RPTOR: variants seen among roughly 807,000 people sequenced by gnomAD.
RPTOR encodes regulatory-associated protein of mTOR.
Under a neutral mutation model 169.9 loss-of-function variants are expected in RPTOR, and 21 were observed. The ratio of observed to expected loss-of-function variants is 0.12; its 90% confidence interval spans 0.09 to 0.18. The LOEUF (loss-of-function observed/expected upper bound fraction) is 0.18. Ranked by LOEUF, RPTOR falls within the 10% of genes least tolerant of loss-of-function variation. RPTOR has a pLI of 1.00. For missense variants in RPTOR, 1,133 were observed against 1,855.9 expected (o/e 0.61, Z 7.16); for synonymous variants, 732 against 753.2 (o/e 0.97, Z 0.46).
At chr17:80,949,636 C>G (rs1336429180) in intron 28 of RPTOR, 89 bp downstream of exon 28, 1 of 1,042,322 alleles carries the variant, frequency 9.6e-7, no homozygotes, top group Non-Finnish European at 1.5e-6. Flanking sequence ...GGGGCTGTCT[C>G]TAAACAGGCT....
chr17:80,701,291 A>T (rs539735214), intron 3 of RPTOR, among the ~76,000 whole-genome samples: 1 of 152,298 alleles, frequency 6.6e-6, no homozygotes, highest in Admixed American at 6.5e-5. Flanking sequence ...CAGGTTATAT[A>T]TTCTTGCCAT....
At chr17:80,834,990 T>C (rs564413693) in intron 9 of RPTOR, among the ~76,000 whole-genome samples, 1 of 152,376 alleles carries the variant, frequency 6.6e-6, no homozygotes, top group East Asian at 1.9e-4. Context: ...TAATTGACTT[T>C]GCTTCTGTCT....
chr17:80,875,213 G>T (rs1035426513), intron 13 of RPTOR, among the ~76,000 whole-genome samples: 1 of 152,180 alleles, frequency 6.6e-6, no homozygotes, highest in Non-Finnish European at 1.5e-5. Context: ...AAGAAAGCCC[G>T]CCCCGGCCTT....
intron 9 of RPTOR, among the ~76,000 whole-genome samples, chr17:80,831,698 CCTGTGTGTCA>C (rs2067505117): frequency 6.6e-6 from 1 of 152,062 alleles, no homozygotes; most frequent in Non-Finnish European, 1.5e-5. Context: ...ACTATGTATC[CCTGTGTGTCA>C]CTGTGTATCC....
At chr17:80,801,852 C>G (rs1379132093) in intron 7 of RPTOR, 2 of 152,206 alleles carry the variant, frequency 1.3e-5, no homozygotes, top group East Asian at 3.9e-4. Flanking sequence ...CCGCCGCCAC[C>G]TAGCAGATCA....
At chr17:80,647,658 A>G (rs890078004) in intron 3 of RPTOR, among the ~76,000 whole-genome samples, 1 of 152,212 alleles carries the variant, frequency 6.6e-6, no homozygotes, top group Non-Finnish European at 1.5e-5. Context: ...AAGGAAGATG[A>G]AACAGCATGG....
At chr17:80,894,831 C>T (rs1447115540) in intron 20 of RPTOR, among the ~76,000 whole-genome samples, 2 of 152,198 alleles carry the variant, frequency 1.3e-5, no homozygotes, top group Non-Finnish European at 1.5e-5. Flanking sequence ...AGACCCTACC[C>T]CGGTCCCATT....
At chr17:80,572,414 T>TAA (rs35606823) in intron 1 of RPTOR, among the ~76,000 whole-genome samples, 5 of 151,660 alleles carry the variant, frequency 3.3e-5, no homozygotes, top group Non-Finnish European at 7.4e-5. Context: ...TTCTTTTTTT[T>TAA]AAAAAAATGC....
At chr17:80,644,947 C>T (rs1402781707) in intron 3 of RPTOR, among the ~76,000 whole-genome samples, 1 of 152,176 alleles carries the variant, frequency 6.6e-6, no homozygotes, top group Non-Finnish European at 1.5e-5. Context: ...AAGGCAGTGG[C>T]TTCATGGGTT....
At chr17:80,850,496 GC>G (rs932195923) in intron 11 of RPTOR, among the ~76,000 whole-genome samples, 9 of 152,150 alleles carry the variant, frequency 5.9e-5, no homozygotes, top group African/African-American at 2.2e-4. Flanking sequence ...CCGGAGCTCC[GC>G]CTCCTGGGTT....
chr17:80,821,577 C>G (rs1210109131), intron 7 of RPTOR, among the ~76,000 whole-genome samples: 1 of 152,150 alleles, frequency 6.6e-6, no homozygotes, highest in African/African-American at 2.4e-5. Context: ...CCTCATCCCC[C>G]CGCCCACTCT....
intron 10 of RPTOR, 45 bp from the exon 11 acceptor site, chr17:80,846,428 C>T (rs768896667): frequency 1.1e-4 from 176 of 1,573,770 alleles, no homozygotes; most frequent in Non-Finnish European, 1.6e-5. Context: ...ACCAGGCCAT[C>T]TGGGAACATG....
rs2067049374 is a variant in RPTOR at position 80,791,562 on chromosome 17, T to C, written c.890+53T>C. The stretch of plus-strand genomic sequence containing the variant: ...CTCTCTGGATCTGATGAGTTTCTTT[T>C]CCTTTTTGAAGGCTCTTGCTTCTCA... On this transcript the variant is annotated intron_variant, in intron 7 of 33. Coordinates refer to ENST00000306801, the MANE Select transcript of RPTOR (RefSeq NM_020761.3). The C allele has an allele frequency of 2.0e-6, 3 of 1,534,198 alleles. No homozygotes were observed. The African/African-American group carries it at 4.2e-5, about 21-fold the overall frequency.
Position 80,922,837 on chromosome 17 carries a change from G to A in RPTOR, c.2624+10G>A, listed in dbSNP as rs2271604. 4.2e-3 allele frequency: 6,447 copies of A among 1,546,528 alleles called. 201 individuals are homozygous for A. In the African/African-American group the frequency reaches 0.068, roughly 16 times the overall value. ...ACATCCACCAGGCGGGGTAAGTGCC[G>A]CCCGCTCAGCCTGCAGGTCCGTGGT... On this transcript the variant is annotated intron_variant, in intron 22 of 33. Coordinates refer to ENST00000306801, the MANE Select transcript of RPTOR (RefSeq NM_020761.3).
chr17:80,780,061 A>T (rs962848207), intron 6 of RPTOR, among the ~76,000 whole-genome samples: 1 of 151,990 alleles, frequency 6.6e-6, no homozygotes. Context: ...CTCTGGCTGG[A>T]TTTCTGCTCA....
At chr17:80,551,016 T>C (rs1438405441) in intron 1 of RPTOR, among the ~76,000 whole-genome samples, 2 of 152,100 alleles carry the variant, frequency 1.3e-5, no homozygotes, top group Non-Finnish European at 2.9e-5. Flanking sequence ...GTCTCCCGAG[T>C]AGCTGGGACT....
At chr17:80,685,650 T>TTTTTTA (rs2065941117) in intron 3 of RPTOR, among the ~76,000 whole-genome samples, 1 of 93,250 alleles carries the variant, frequency 1.1e-5, no homozygotes, top group African/African-American at 4.1e-5. Flanking sequence ...TTTTTTTTTT[T>TTTTTTA]TTTTTTTGCT....
intron 20 of RPTOR, among the ~76,000 whole-genome samples, chr17:80,906,143 TCTC>T (rs1477722210): frequency 4.6e-5 from 7 of 151,316 alleles, no homozygotes; most frequent in African/African-American, 1.7e-4. Flanking sequence ...TGAGGCCGCA[TCTC>T]CTCCTCACCA....
rs1052801245 is a variant in RPTOR, at chr17:80,964,935, C to T, written c.*605C>T. ...AACTGGCGGGTGTGAAGGAAGCCGC[C>T]CAGGGGTCCGGGCTGTCCTTGGCCG... On this transcript the variant is annotated 3_prime_UTR_variant, in exon 34 of 34. Transcript: ENST00000306801. 2 of 233,812 alleles carry T rather than the reference C, an allele frequency of 8.6e-6. No individual in the cohort carries two copies. Among genetic ancestry groups the T allele is most frequent in the East Asian group, 1.2e-4 (2 of 16,588 alleles). The allele number at this position is 233,812 out of a possible 1,614,324, so 14.5% of individuals were successfully genotyped here. A position where few individuals can be genotyped will look rare whatever the true frequency, so the allele number is the denominator to read the frequency against.
Sources: allele counts gnomAD v4.1 joint callset (sites outside exome capture counted in the v4.1 genomes callset), GRCh38; gene constraint gnomAD v4.1.1; transcripts MANE v1.5; gene names NCBI Gene and HGNC (gene_info 2026-07-23, HGNC 2026-07-21).